The following SPATA22 variants were observed in gnomAD, a reference collection of about 807,000 sequenced individuals.
SPATA22 encodes the protein spermatogenesis-associated protein 22.
In SPATA22, 29 loss-of-function variants were observed where a neutral mutation model predicts 47.8. The ratio of observed to expected loss-of-function variants is 0.61; its 90% CI spans 0.45 to 0.83. SPATA22 has a LOEUF of 0.83. SPATA22 is among the 40% of genes least tolerant of loss of function. The pLI, the probability that SPATA22 is intolerant of heterozygous loss-of-function variation, is 0.00. For synonymous variants in SPATA22, 133 were observed against 140.9 expected, an observed-to-expected ratio of 0.94 and a Z score of 0.40; for missense variants, 410 against 421.7, an observed-to-expected ratio of 0.97 and a Z score of 0.24.
At chr17:3,499,155 A>T (rs779350543) in intron 1 of SPATA22, 306 of 1,540,762 alleles carry the variant, frequency 2.0e-4, no homozygotes, top group Non-Finnish European at 2.7e-4. Context: ...GCTCCTTAAG[A>T]GTAGGGTTGT....
chr17:3,475,206 G>T (rs1429360880), upstream of SPATA22, among the ~76,000 whole-genome samples: 1 of 152,140 alleles, frequency 6.6e-6, no homozygotes, highest in African/African-American at 2.4e-5. Context: ...TCTCCAAAGG[G>T]ATGTAATCAT....
chr17:3,496,147 T>C (rs945472266), intron 1 of SPATA22, among the ~76,000 whole-genome samples: 12 of 152,168 alleles, frequency 7.9e-5, no homozygotes, highest in African/African-American at 2.9e-4. Flanking sequence ...AATGAATGGC[T>C]CAGTATTCTA....
At chr17:3,459,159 AACTTTCAGT>A (rs1193610888) in intron 5 of SPATA22, among the ~76,000 whole-genome samples, 1 of 152,136 alleles carries the variant, frequency 6.6e-6, no homozygotes, top group Non-Finnish European at 1.5e-5. Context: ...AAAGGGTACA[AACTTTCAGT>A]TACATAGAAT....
chr17:3,463,696 C>G (rs1300418048), intron 3 of SPATA22, among the ~76,000 whole-genome samples: 1 of 152,078 alleles, frequency 6.6e-6, no homozygotes, highest in Middle Eastern at 3.2e-3. Flanking sequence ...ATTATGACAG[C>G]TACTATGTCA....
rs2150754840 is a variant in SPATA22, at chr17:3,490,589, G to C, written c.-73-21191C>G. 6.6e-6 allele frequency among the ~76,000 whole-genome samples: 1 copy of C among 152,214 alleles called. No homozygotes were observed. The highest frequency in any genetic ancestry group is 1.5e-5 in the Non-Finnish European group (1 of 68,020). Reference sequence around the variant, plus strand: ...TTCGTTTTGTGCTTGGGAATCCTTTGACTCCAAAATCATGAAAACTGAAAA... The same window carrying C: ...TTCGTTTTGTGCTTGGGAATCCTTTCACTCCAAAATCATGAAAACTGAAAA... On this transcript the variant is annotated intron_variant, in intron 1 of 8. Transcript: ENST00000541913. The surrounding 1 kb of genome is among the most constrained non-coding windows in gnomAD (Gnocchi z 4.6).
intron 1 of SPATA22, among the ~76,000 whole-genome samples, chr17:3,498,644 G>T (rs2073948589): frequency 6.6e-6 from 1 of 152,190 alleles, no homozygotes; most frequent in African/African-American, 2.4e-5. Context: ...CACTGCACCT[G>T]GCTGAAGCAA....
chr17:3,470,315 G>A (rs1019331175), intron 1 of SPATA22, among the ~76,000 whole-genome samples: 1 of 152,230 alleles, frequency 6.6e-6, no homozygotes, highest in African/African-American at 2.4e-5. Flanking sequence ...TGCAAGAAGA[G>A]GCAAGATACA....
upstream of SPATA22, chr17:3,476,455 G>A (rs1036867578): frequency 6.9e-7 from 1 of 1,455,356 alleles, no homozygotes; most frequent in African/African-American, 1.4e-5. Flanking sequence ...GTAGGTGTGT[G>A]AAAGAGAACA....
At chr17:3,457,620 T>C (rs1299178411) in intron 5 of SPATA22, among the ~76,000 whole-genome samples, 1 of 151,084 alleles carries the variant, frequency 6.6e-6, no homozygotes, top group Non-Finnish European at 1.5e-5. Flanking sequence ...GGTACTGGTA[T>C]TAAAACAGGC....
At chr17:3,476,176 T>C (rs1365035295), upstream of SPATA22, 6 of 1,613,964 alleles carry the variant, frequency 3.7e-6, no homozygotes. Context: ...TCTTGTCACA[T>C]TGCTGAAGAA....
intron 1 of SPATA22, chr17:3,512,723 C>T (rs2074129917): frequency 6.6e-6 from 1 of 152,008 alleles, no homozygotes; most frequent in African/African-American, 2.4e-5. Flanking sequence ...AAGAGAACAT[C>T]AGAGGACGAG....
chr17:3,503,202 G>A (rs2074010340), intron 1 of SPATA22: 1 of 151,570 alleles, frequency 6.6e-6, no homozygotes, highest in Non-Finnish European at 1.5e-5. Context: ...AACATTATCT[G>A]GAATGAATGA....
At chr17:3,498,721 C>T (rs1386302108) in intron 1 of SPATA22, among the ~76,000 whole-genome samples, 2 of 152,152 alleles carry the variant, frequency 1.3e-5, no homozygotes, top group Admixed American at 6.5e-5. Flanking sequence ...CCAAAATTCA[C>T]GACCCAATGT....
intron 5 of SPATA22, among the ~76,000 whole-genome samples, chr17:3,457,680 T>G (rs1022039143): frequency 2.6e-5 from 4 of 152,090 alleles, no homozygotes; most frequent in Admixed American, 2.0e-4. Context: ...TGCATTTACA[T>G]TTAATTGATT....
intron 1 of SPATA22, among the ~76,000 whole-genome samples, chr17:3,494,018 T>C (rs1294966289): frequency 7.2e-6 from 1 of 139,628 alleles, no homozygotes; most frequent in African/African-American, 2.6e-5. Context: ...CCTTACATTG[T>C]TAACTTCCCT....
intron 1 of SPATA22, chr17:3,494,285 T>G (rs556571168): frequency 1.6e-5 from 20 of 1,271,576 alleles, no homozygotes; most frequent in Admixed American, 1.4e-4. Flanking sequence ...ATGACAGGCA[T>G]GAGCCACCAC....
At chr17:3,476,169 T>C (rs142041344), upstream of SPATA22, 674 of 1,613,770 alleles carry the variant, frequency 4.2e-4, 2 homozygotes, top group Non-Finnish European at 5.5e-4. Flanking sequence ...AATGACTTCT[T>C]GTCACATTGC....
intron 1 of SPATA22, among the ~76,000 whole-genome samples, chr17:3,480,237 C>A (rs1394044040): frequency 2.0e-5 from 3 of 152,218 alleles, no homozygotes; most frequent in Non-Finnish European, 4.4e-5. Context: ...CCAGACAGAG[C>A]TGATTTATCA....
chr17:3,498,621 A>T (rs2073947939), intron 1 of SPATA22, among the ~76,000 whole-genome samples: 1 of 152,206 alleles, frequency 6.6e-6, no homozygotes, highest in Non-Finnish European at 1.5e-5. Flanking sequence ...TGCTGGGATT[A>T]CAGGCAAGGA....
Sources: gnomAD v4.1 joint callset for allele counts (sites outside exome capture counted in the v4.1 genomes callset) on GRCh38, gnomAD v4.1.1 for gene constraint, Gnocchi (gnomAD v3.1) non-coding constraint, MANE v1.5 for transcripts, NCBI Gene and HGNC (gene_info 2026-07-23, HGNC 2026-07-21) for gene names.